Variants in SNX30 observed in about 807,000 individuals in gnomAD.
SNX30 encodes sorting nexin family member 30, also known as sorting nexin-30.
SNX30 carries 24 observed loss-of-function variants against 46.4 expected under a neutral mutation model. The ratio of observed to expected loss-of-function variants is 0.52; its 90% CI spans 0.37 to 0.73. The LOEUF is 0.73. SNX30 is among the 30% of genes least tolerant of loss of function. SNX30 has a pLI of 0.00. For missense variants in SNX30, 533 were observed against 555.7 expected (o/e 0.96, Z 0.41); for synonymous variants, 189 against 211.5 (o/e 0.89, Z 0.92).
In SNX30 at chr9:112,772,584, G is replaced by T. The variant is rs1202049422; in HGVS notation, c.156+21427G>T. ...ATGGTCACATCTTCACTTCCAGTCTGACTCTGAAGAACAAGGTAGCCACTG... is the reference window on the plus strand; with the variant it reads ...ATGGTCACATCTTCACTTCCAGTCTTACTCTGAAGAACAAGGTAGCCACTG... On this transcript the variant is annotated intron_variant, in intron 1 of 8. Coordinates refer to ENST00000374232, the MANE Select transcript of SNX30 (RefSeq NM_001012994.2). Among the ~76,000 whole-genome samples the T allele has an allele frequency of 2.6e-5, 4 of 152,158 alleles. No homozygotes were observed. In the East Asian group the frequency reaches 7.7e-4, roughly 29 times the overall value.
chr9:112,753,846 C>T (rs983455577), intron 1 of SNX30, among the ~76,000 whole-genome samples: 2 of 152,184 alleles, frequency 1.3e-5, no homozygotes, highest in Admixed American at 6.5e-5. Context: ...TTGGCATACA[C>T]GTATGGTCTC....
chr9:112,833,429 C>G (rs1374329907), intron 4 of SNX30, among the ~76,000 whole-genome samples: 2 of 152,150 alleles, frequency 1.3e-5, no homozygotes, highest in Admixed American at 1.3e-4. Context: ...GAGGCCAAAG[C>G]AGGTAGACCA....
intron 7 of SNX30, among the ~76,000 whole-genome samples, chr9:112,857,767 T>C (rs150844622): frequency 1.5e-3 from 218 of 148,892 alleles, no homozygotes; most frequent in South Asian, 3.1e-3. Context: ...CATGCATGCA[T>C]GCATCCATCC....
intron 1 of SNX30, among the ~76,000 whole-genome samples, chr9:112,773,665 A>C (rs1050750845): frequency 1.3e-5 from 2 of 152,234 alleles, no homozygotes; most frequent in African/African-American, 4.8e-5. Flanking sequence ...GATAAAACTC[A>C]AGGCATATGG....
At position 112,804,864 on chromosome 9, in the gene SNX30, A is replaced by G; in HGVS notation, c.245A>G (p.Asp82Gly). ...SSLLNRLQLD[D>G]DIDGETRDLF... is the part of the protein sequence containing the mutation. ...CTTCTCAACAGACTTCAGCTTGATG[A>G]TGATATTGATGGTGAGACTAGAGAT... is the stretch of plus-strand genomic sequence containing the variant. The change falls in exon 2 of 9, where the codon GAT becomes GGT. Residue 82 changes from aspartate (D) to glycine (G), a missense_variant. Asp to Gly is a moderately conservative substitution (Grantham distance 94). This residue lies in a region of SNX30 where 191 missense variants were observed against 160.3 expected (regional missense o/e 1.19). Coordinates refer to ENST00000374232, the MANE Select transcript of SNX30 (RefSeq NM_001012994.2). 1.9e-6 allele frequency: 3 copies of G among 1,614,060 alleles called. No individual in the cohort carries two copies. The highest frequency in any genetic ancestry group is 2.2e-5 in the South Asian group (2 of 91,070).
intron 7 of SNX30, among the ~76,000 whole-genome samples, chr9:112,862,530 T>A (rs1024207307): frequency 3.9e-5 from 6 of 152,006 alleles, no homozygotes; most frequent in African/African-American, 1.5e-4. Flanking sequence ...TTTATTTCAG[T>A]TTTTCCTGAG....
At chr9:112,763,679 T>G (rs1261460758) in intron 1 of SNX30, among the ~76,000 whole-genome samples, 2 of 151,720 alleles carry the variant, frequency 1.3e-5, no homozygotes, top group Non-Finnish European at 2.9e-5. Flanking sequence ...TGAAACCACG[T>G]CTCTACTAAA....
At position 112,771,442 on chromosome 9, in the gene SNX30, C is replaced by T. The variant is rs551184985; in HGVS notation, c.156+20285C>T. The stretch of plus-strand genomic sequence containing the variant: ...ACTTATATGCAACAATGGAAAAAAA[C>T]GTTAAGTTGAAAAAATGTATAAATC... On this transcript the variant is annotated intron_variant, in intron 1 of 8. Coordinates refer to ENST00000374232, the MANE Select transcript of SNX30 (RefSeq NM_001012994.2). Among the ~76,000 whole-genome samples the T allele has an allele frequency of 3.3e-5, 5 of 151,908 alleles. No homozygotes were observed. The East Asian group carries it at 6.0e-4, about 18-fold the overall frequency.
chr9:112,841,725 A>G, intron 6 of SNX30, among the ~76,000 whole-genome samples: 1 of 152,236 alleles, frequency 6.6e-6, no homozygotes, highest in East Asian at 1.9e-4. Context: ...GCTGGGACTA[A>G]AGACACCAGG....
intron 1 of SNX30, among the ~76,000 whole-genome samples, chr9:112,756,920 T>G (rs1839359440): frequency 6.6e-6 from 1 of 152,232 alleles, no homozygotes; most frequent in Non-Finnish European, 1.5e-5. Context: ...TACACATAGA[T>G]AGTAAAAGTT....
At chr9:112,865,132 ACACATACACCC>A (rs1564296839) in intron 8 of SNX30, among the ~76,000 whole-genome samples, 2 of 80,254 alleles carry the variant, frequency 2.5e-5, no homozygotes, top group Non-Finnish European at 4.6e-5. Flanking sequence ...CACACCCCCT[ACACATACACCC>A]CACATACACA....
chr9:112,762,713 C>T (rs1276827649), intron 1 of SNX30, among the ~76,000 whole-genome samples: 3 of 152,170 alleles, frequency 2.0e-5, no homozygotes, highest in East Asian at 3.9e-4. Flanking sequence ...AGCATTTAAT[C>T]GCCCATAGTT....
intron 3 of SNX30, among the ~76,000 whole-genome samples, chr9:112,820,464 T>C (rs1290776210): frequency 2.0e-5 from 3 of 152,210 alleles, no homozygotes; most frequent in Non-Finnish European, 2.9e-5. Context: ...ACCCCTGCCT[T>C]GGGGAACTTA....
chr9:112,764,901 C>A (rs1275851598), intron 1 of SNX30, among the ~76,000 whole-genome samples: 1 of 152,154 alleles, frequency 6.6e-6, no homozygotes, highest in Non-Finnish European at 1.5e-5. Context: ...ACATCATCGA[C>A]GCAGGGGGAG....
downstream of SNX30, chr9:112,877,604 C>G (rs1466928243): frequency 6.6e-6 from 1 of 152,324 alleles, no homozygotes; most frequent in South Asian, 2.1e-4. Flanking sequence ...ACCTCACCCT[C>G]TACCATCCAT....
chr9:112,821,425 A>ATG (rs1360936984), intron 3 of SNX30, among the ~76,000 whole-genome samples: 1 of 151,326 alleles, frequency 6.6e-6, no homozygotes, highest in Admixed American at 6.7e-5. Flanking sequence ...GTATATATAT[A>ATG]TGTGTGTTTG....
intron 1 of SNX30, among the ~76,000 whole-genome samples, chr9:112,758,913 C>T (rs577887074): frequency 3.9e-5 from 6 of 151,966 alleles, no homozygotes; most frequent in Middle Eastern, 3.4e-3. Flanking sequence ...AAGACCAGCC[C>T]GGGCAATATA....
chr9:112,836,222 C>T lies in SNX30; in HGVS notation c.627C>T (p.Asn209=), dbSNP rs368594627. The change falls in exon 5 of 9, where the codon AAC becomes AAT. Residue 209 remains asparagine, a synonymous_variant. Transcript: ENST00000374232. ...TCACATATCATCCTCAGGACCTGAA[C>T]GCCTACAAGAAGCAAGGGATAGCAT... The part of the protein sequence containing the change: ...FNIFLTAKDL[N]AYKKQGIALL... 1.3e-5 allele frequency: 20 copies of T among 1,591,672 alleles called. No homozygotes were observed. The highest frequency in any genetic ancestry group is 1.7e-4 in the Middle Eastern group (1 of 5,960).
At chr9:112,824,074 T>A (rs79355442) in intron 3 of SNX30, among the ~76,000 whole-genome samples, 6,524 of 152,290 alleles carry the variant, frequency 0.043, 480 homozygotes, top group African/African-American at 0.15. Flanking sequence ...AAGAAGCAAG[T>A]CATTTGCTGA....
Sources: gnomAD v4.1 joint callset for allele counts (sites outside exome capture counted in the v4.1 genomes callset) on GRCh38, gnomAD v4.1.1 for gene constraint, gnomAD v4.1.1 regional missense constraint, MANE v1.5 for transcripts, NCBI Gene and HGNC (gene_info 2026-07-23, HGNC 2026-07-21) for gene names.